Variants in SMIM41 observed in about 807,000 individuals in gnomAD.
SMIM41 encodes the protein small integral membrane protein 41.
rs1368084378 is a variant in SMIM41, at chr12:52,081,805, A to C, written c.*120+1624A>C. Among the ~76,000 whole-genome samples, 1 of 152,146 alleles carries C rather than the reference A, an allele frequency of 6.6e-6. No individual in the cohort carries two copies. The highest frequency in any genetic ancestry group is 1.5e-5 in the Non-Finnish European group (1 of 68,022). ...TTCTTTTACACGCGGGAGAACAGTA[A>C]GTGACATGCTCACATGAATGACAGA... On this transcript the variant is annotated intron_variant, in intron 1 of 2. Coordinates refer to ENST00000546390, the MANE Select transcript of SMIM41 (RefSeq NM_001369216.1). The surrounding 1 kb of genome is among the most constrained non-coding windows in gnomAD (Gnocchi z 4.1).
At chr12:52,087,324 A>G (rs1048847822) in intron 2 of SMIM41, among the ~76,000 whole-genome samples, 2 of 152,208 alleles carry the variant, frequency 1.3e-5, no homozygotes, top group African/African-American at 4.8e-5. Context: ...CTTTGCACCC[A>G]CTGCCGCCTC....
chr12:52,106,714 A>G (rs1029838916), intron 2 of SMIM41, among the ~76,000 whole-genome samples: 2 of 152,218 alleles, frequency 1.3e-5, no homozygotes, highest in Admixed American at 6.5e-5. Flanking sequence ...ATTTTAAAAC[A>G]AGACCCACCG....
intron 2 of SMIM41, among the ~76,000 whole-genome samples, chr12:52,090,490 G>A (rs1939980733): frequency 6.6e-6 from 1 of 152,200 alleles, no homozygotes; most frequent in Non-Finnish European, 1.5e-5. Context: ...CTGAGACCCA[G>A]AGGAAGGAGC....
At chr12:52,082,401 C>T (rs958365954) in intron 1 of SMIM41, among the ~76,000 whole-genome samples, 10 of 152,200 alleles carry the variant, frequency 6.6e-5, no homozygotes, top group South Asian at 2.1e-4. Context: ...CCTCCCGTTG[C>T]TGTTCCTGAG....
chr12:52,089,708 T>G (rs1202581852), intron 2 of SMIM41, among the ~76,000 whole-genome samples: 1 of 152,212 alleles, frequency 6.6e-6, no homozygotes, highest in Admixed American at 6.5e-5. Flanking sequence ...CGGCAATATC[T>G]GGTGTCCCTT....
intron 2 of SMIM41, among the ~76,000 whole-genome samples, chr12:52,097,229 C>T (rs1940114814): frequency 1.3e-5 from 2 of 152,012 alleles, no homozygotes; most frequent in African/African-American, 2.4e-5. Context: ...TATAGTATCC[C>T]GACCTGTGAT....
chr12:52,096,054 C>T (rs1940087686), intron 2 of SMIM41, among the ~76,000 whole-genome samples: 2 of 151,660 alleles, frequency 1.3e-5, no homozygotes, highest in Admixed American at 1.3e-4. Context: ...GGAATAATAT[C>T]CCGTGGTGGG....
chr12:52,097,844 TG>T (rs1268480598), intron 2 of SMIM41, among the ~76,000 whole-genome samples: 1 of 151,878 alleles, frequency 6.6e-6, no homozygotes. Flanking sequence ...ACATTTCTTG[TG>T]ATATAGAGAG....
At chr12:52,103,710 C>T (rs1411434468) in intron 2 of SMIM41, among the ~76,000 whole-genome samples, 4 of 151,852 alleles carry the variant, frequency 2.6e-5, no homozygotes, top group Non-Finnish European at 5.9e-5. Context: ...GCTGAGATCA[C>T]GACACTGCAC....
At chr12:52,100,269 G>T (rs183755145) in intron 2 of SMIM41, among the ~76,000 whole-genome samples, 3,871 of 151,972 alleles carry the variant, frequency 0.025, 66 homozygotes, top group South Asian at 0.079. Context: ...TATCCCAGGG[G>T]GGTGTCCACC....
At chr12:52,093,238 A>G (rs551079653) in intron 2 of SMIM41, among the ~76,000 whole-genome samples, 31 of 152,336 alleles carry the variant, frequency 2.0e-4, no homozygotes, top group African/African-American at 7.5e-4. Context: ...ACATTTTGGA[A>G]CTACAACTTA....
chr12:52,084,826 G>T, intron 2 of SMIM41: 1 of 152,530 alleles, frequency 6.6e-6, no homozygotes. Context: ...TAAAGAACTT[G>T]GGGGTAAGTC....
chr12:52,090,680 T>C (rs1332880263), intron 2 of SMIM41, among the ~76,000 whole-genome samples: 1 of 152,180 alleles, frequency 6.6e-6, no homozygotes, highest in Admixed American at 6.5e-5. Context: ...TGTGCTCTGC[T>C]CGAACCAGAG....
intron 2 of SMIM41, among the ~76,000 whole-genome samples, chr12:52,105,898 T>C (rs922478272): frequency 3.2e-4 from 48 of 152,220 alleles, no homozygotes; most frequent in African/African-American, 1.2e-3. Flanking sequence ...AGGGGTGAGA[T>C]GTCCATCCTC....
rs1940365982 is a variant in SMIM41 at position 52,107,544 on chromosome 12, G to A, written c.*361G>A. Reference sequence around the variant, plus strand: ...CTCCAACCTGTCCTTGCCTGACATCGGTTTCACCTCCACCACGGTCCCCCA... The same window carrying A: ...CTCCAACCTGTCCTTGCCTGACATCAGTTTCACCTCCACCACGGTCCCCCA... On this transcript the variant is annotated 3_prime_UTR_variant, in exon 3 of 3. Transcript: ENST00000546390. The A allele has an allele frequency of 1.8e-5, 18 of 976,244 alleles. No individual in the cohort carries two copies. The highest frequency in any genetic ancestry group is 7.2e-5 in the Admixed American group (4 of 55,566). The allele number at this position is 976,244 out of a possible 1,614,324, so 60.5% of individuals were successfully genotyped here.
At chr12:52,107,166 T>C (rs111363278) in intron 2 of SMIM41, 20,383 of 354,628 alleles carry the variant, frequency 0.057, 759 homozygotes, top group Middle Eastern at 0.083. Context: ...TATAAGACAA[T>C]TCATTTTGTC....
intron 2 of SMIM41, among the ~76,000 whole-genome samples, chr12:52,104,769 T>C (rs1237825414): frequency 6.6e-6 from 1 of 152,102 alleles, no homozygotes; most frequent in African/African-American, 2.4e-5. Context: ...TAGCAGGGAA[T>C]GAGTCCCTCT....
At chr12:52,105,779 A>C (rs760325741) in intron 2 of SMIM41, among the ~76,000 whole-genome samples, 10 of 152,080 alleles carry the variant, frequency 6.6e-5, no homozygotes, top group Non-Finnish European at 1.3e-4. Context: ...AAAACAAAAA[A>C]AAACTCCCAC....
intron 2 of SMIM41, among the ~76,000 whole-genome samples, chr12:52,086,567 G>A (rs1003845093): frequency 6.6e-6 from 1 of 152,174 alleles, no homozygotes; most frequent in East Asian, 1.9e-4. Context: ...TGACTTCCAC[G>A]AGGCTTCTGT....
Sources: allele counts gnomAD v4.1 joint callset (sites outside exome capture counted in the v4.1 genomes callset), GRCh38; gene constraint gnomAD v4.1.1; non-coding constraint Gnocchi (gnomAD v3.1); transcripts MANE v1.5; gene names NCBI Gene and HGNC (gene_info 2026-07-23, HGNC 2026-07-21).